The following CTNNA3 variants were observed in gnomAD, a reference collection of about 807,000 sequenced individuals.
CTNNA3 encodes the protein catenin alpha 3.
A neutral mutation model predicts 95.7 loss-of-function variants in CTNNA3; 76 were observed. The observed-to-expected ratio is 0.79, with a 90% CI of 0.66 to 0.96. The LOEUF (loss-of-function observed/expected upper bound fraction) is 0.96. CTNNA3 is among the 40% of genes least tolerant of loss of function. The pLI is 0.00. For missense variants in CTNNA3, 1,191 were observed against 1,089.8 expected (o/e 1.09, Z -1.31); for synonymous variants, 431 against 374.4 (o/e 1.15, Z -1.74).
intron 16 of CTNNA3, among the ~76,000 whole-genome samples, chr10:65,967,886 G>A (rs1045489647): frequency 2.6e-5 from 4 of 152,048 alleles, no homozygotes; most frequent in Non-Finnish European, 5.9e-5. Flanking sequence ...GATCTTCATT[G>A]TAGCATTATG....
At chr10:67,567,952 G>T (rs1039803668) in intron 3 of CTNNA3, among the ~76,000 whole-genome samples, 2 of 152,048 alleles carry the variant, frequency 1.3e-5, no homozygotes, top group African/African-American at 4.8e-5. Flanking sequence ...GTATATTAAT[G>T]CAGGAGCCTC....
At chr10:66,014,853 C>T (rs527516327) in intron 15 of CTNNA3, among the ~76,000 whole-genome samples, 4 of 152,176 alleles carry the variant, frequency 2.6e-5, no homozygotes, top group African/African-American at 9.6e-5. Context: ...GCCTGTAATC[C>T]CAGCACTGTG....
chr10:67,625,341 G>A (rs984432648), intron 2 of CTNNA3, among the ~76,000 whole-genome samples: 1 of 152,140 alleles, frequency 6.6e-6, no homozygotes, highest in Non-Finnish European at 1.5e-5. Flanking sequence ...GGCACCATAT[G>A]AACAAACACC....
At chr10:67,073,914 G>C (rs1856595156) in intron 7 of CTNNA3, among the ~76,000 whole-genome samples, 1 of 151,890 alleles carries the variant, frequency 6.6e-6, no homozygotes, top group Non-Finnish European at 1.5e-5. Flanking sequence ...AGTAACTTTT[G>C]ACCAATAACA....
At chr10:66,091,013 C>G (rs2081191439) in intron 14 of CTNNA3, among the ~76,000 whole-genome samples, 1 of 151,904 alleles carries the variant, frequency 6.6e-6, no homozygotes, top group African/African-American at 2.4e-5. Flanking sequence ...TCTTTTTCTG[C>G]TACCTTACCT....
intron 3 of CTNNA3, among the ~76,000 whole-genome samples, chr10:67,595,794 T>G (rs1308366604): frequency 6.6e-6 from 1 of 152,238 alleles, no homozygotes; most frequent in Non-Finnish European, 1.5e-5. Flanking sequence ...ACTTGTTTTA[T>G]CAATCTGGAT....
intron 9 of CTNNA3, among the ~76,000 whole-genome samples, chr10:66,635,912 C>T (rs977491596): frequency 1.3e-5 from 2 of 151,566 alleles, no homozygotes; most frequent in Non-Finnish European, 2.9e-5. Context: ...TGAAATTTAC[C>T]ATAATTATAA....
intron 5 of CTNNA3, among the ~76,000 whole-genome samples, chr10:67,436,745 G>C (rs1360128843): frequency 6.6e-6 from 1 of 152,134 alleles, no homozygotes; most frequent in African/African-American, 2.4e-5. Context: ...CTAATTATCA[G>C]GGAAATGCAA....
intron 9 of CTNNA3, among the ~76,000 whole-genome samples, chr10:66,673,771 TAAAC>T (rs1675044167): frequency 6.6e-6 from 1 of 151,726 alleles, no homozygotes; most frequent in African/African-American, 2.4e-5. Flanking sequence ...CTGAATAAAA[TAAAC>T]AGGAGTTTTT....
intron 10 of CTNNA3, among the ~76,000 whole-genome samples, chr10:66,543,905 G>GTATA (rs1189402508): frequency 1.3e-4 from 13 of 102,202 alleles, no homozygotes; most frequent in South Asian, 3.1e-4. Context: ...TGAGATGTGT[G>GTATA]TGTGTGTATA....
chr10:66,163,744 T>A (rs1282504119), intron 13 of CTNNA3, among the ~76,000 whole-genome samples: 3 of 152,196 alleles, frequency 2.0e-5, no homozygotes, highest in Admixed American at 2.0e-4. Flanking sequence ...AAAACTTGGA[T>A]TCCAGACCCA....
At chr10:66,223,489 T>C (rs1385117835) in intron 13 of CTNNA3, among the ~76,000 whole-genome samples, 1 of 152,208 alleles carries the variant, frequency 6.6e-6, no homozygotes, top group Non-Finnish European at 1.5e-5. Context: ...AATAGGATTT[T>C]TAAAAGACTA....
chr10:66,260,813 A>G (rs34497320), intron 13 of CTNNA3, among the ~76,000 whole-genome samples: 29,336 of 151,992 alleles, frequency 0.19, 3,036 homozygotes, highest in Admixed American at 0.27. Context: ...GCTCATATAT[A>G]TTGAAATTAA....
intron 7 of CTNNA3, among the ~76,000 whole-genome samples, chr10:66,879,022 C>A (rs1844741941): frequency 6.6e-6 from 1 of 152,082 alleles, no homozygotes. Context: ...GTCATTTCAT[C>A]ATCTCAACAA....
At chr10:67,368,539 T>C (rs1428136490) in intron 5 of CTNNA3, among the ~76,000 whole-genome samples, 2 of 152,192 alleles carry the variant, frequency 1.3e-5, no homozygotes, top group Admixed American at 1.3e-4. Flanking sequence ...AAAATGTCTC[T>C]TTACACAAAA....
At position 66,927,674 on chromosome 10, in the gene CTNNA3, G is replaced by T. The variant is rs1380737788; in HGVS notation, c.1048-152150C>A. On this transcript the variant is annotated intron_variant, in intron 7 of 17. Transcript: ENST00000433211. The surrounding 1 kb of genome is among the most constrained non-coding windows in gnomAD (Gnocchi z 4.7). ...GGACAGACCATGTCCTGGACCTGGA[G>T]CTCCTTACAAAGGCTTGATTTATCA... The T allele has an allele frequency of 6.2e-7, 1 of 1,614,028 alleles. No homozygotes were observed. Among genetic ancestry groups the T allele is most frequent in the African/African-American group, 1.3e-5 (1 of 74,914 alleles).
chr10:66,215,002 CATAG>C (rs1234993165), intron 13 of CTNNA3, among the ~76,000 whole-genome samples: 2 of 151,522 alleles, frequency 1.3e-5, no homozygotes, highest in African/African-American at 2.4e-5. Flanking sequence ...TAGATAGATG[CATAG>C]ATAGATAGAT....
intron 10 of CTNNA3, among the ~76,000 whole-genome samples, chr10:66,567,040 AG>A (rs1427188051): frequency 3.1e-3 from 3 of 966 alleles, no homozygotes; most frequent in African/African-American, 9.4e-3. Flanking sequence ...AGGGAAGGGG[AG>A]GGGGTAGGGA....
intron 3 of CTNNA3, among the ~76,000 whole-genome samples, chr10:67,546,234 C>A (rs1840840843): frequency 6.6e-6 from 1 of 152,020 alleles, no homozygotes; most frequent in African/African-American, 2.4e-5. Flanking sequence ...TGGGATCAAG[C>A]AATCCTCCTG....
Sources: allele counts gnomAD v4.1 joint callset (sites outside exome capture counted in the v4.1 genomes callset), GRCh38; gene constraint gnomAD v4.1.1; non-coding constraint Gnocchi (gnomAD v3.1); transcripts MANE v1.5; gene names NCBI Gene and HGNC (gene_info 2026-07-23, HGNC 2026-07-21).